OXR1: variants seen among roughly 807,000 people sequenced by gnomAD.
OXR1 encodes oxidation resistance protein 1.
A neutral mutation model predicts 104.6 loss-of-function variants in OXR1; 41 were observed. The observed-to-expected ratio is 0.39, with a 90% CI of 0.31 to 0.51. The LOEUF (loss-of-function observed/expected upper bound fraction) is 0.51, where lower values mean the gene tolerates loss of function less well. Ranked by LOEUF, OXR1 falls within the 20% of genes least tolerant of loss-of-function variation. The pLI, the probability that OXR1 is intolerant of heterozygous loss-of-function variation, is 0.77. For missense variants in OXR1, 955 were observed against 1,031.9 expected (o/e 0.93, Z 1.02); for synonymous variants, 348 against 348.4 (o/e 1.00, Z 0.01).
intron 3 of OXR1, among the ~76,000 whole-genome samples, chr8:106,526,826 A>C (rs1167566838): frequency 6.6e-6 from 1 of 152,174 alleles, no homozygotes; most frequent in African/African-American, 2.4e-5. Context: ...TATAGGCGTG[A>C]GCCACCGCGC....
Position 106,751,893 on chromosome 8 carries a change from A to C in OXR1, c.*952A>C, listed in dbSNP as rs1249981411. Reference sequence around the variant, plus strand: ...AAAAAAAAAATTGTGATTTTCTTTGAGTGGTATATGTTATTAATTACCATT... The same window carrying C: ...AAAAAAAAAATTGTGATTTTCTTTGCGTGGTATATGTTATTAATTACCATT... On this transcript the variant is annotated 3_prime_UTR_variant, in exon 17 of 17. Transcript: ENST00000517566. The C allele has an allele frequency of 2.0e-5, 3 of 152,412 alleles. No homozygotes were observed. Among genetic ancestry groups the C allele is most frequent in the Non-Finnish European group, 4.4e-5 (3 of 67,928 alleles). The allele number at this position is 152,412 out of a possible 1,614,324, so 9.4% of individuals were successfully genotyped here.
At chr8:106,515,645 C>T (rs1031473493) in intron 2 of OXR1, among the ~76,000 whole-genome samples, 1 of 152,090 alleles carries the variant, frequency 6.6e-6, no homozygotes, top group African/African-American at 2.4e-5. Flanking sequence ...GTTGTGTATA[C>T]ATGCAAGTTG....
intron 1 of OXR1, among the ~76,000 whole-genome samples, chr8:106,300,255 C>A (rs1285312141): frequency 1.3e-5 from 2 of 152,044 alleles, no homozygotes. Context: ...TTTTACTCAC[C>A]CTTTTCAATT....
At chr8:106,411,961 G>C (rs1818473945) in intron 2 of OXR1, among the ~76,000 whole-genome samples, 1 of 152,146 alleles carries the variant, frequency 6.6e-6, no homozygotes, top group South Asian at 2.1e-4. Context: ...TAAGCACTGT[G>C]ATGTTTTAAT....
chr8:106,407,690 G>A (rs1341503909), intron 2 of OXR1, among the ~76,000 whole-genome samples: 1 of 152,168 alleles, frequency 6.6e-6, no homozygotes, highest in African/African-American at 2.4e-5. Flanking sequence ...ATGTGATGGA[G>A]GAAGGAGAGC....
chr8:106,494,999 A>T (rs1177599897), intron 2 of OXR1, among the ~76,000 whole-genome samples: 1 of 152,126 alleles, frequency 6.6e-6, no homozygotes, highest in Non-Finnish European at 1.5e-5. Context: ...AGTGCCAGAC[A>T]CGTGTAGGTA....
intron 3 of OXR1, among the ~76,000 whole-genome samples, chr8:106,532,077 A>C (rs1421115003): frequency 6.6e-6 from 1 of 152,204 alleles, no homozygotes. Flanking sequence ...ATCAACTACC[A>C]ATAGTTGGAA....
chr8:106,585,962 A>G (rs1220796518), intron 3 of OXR1, among the ~76,000 whole-genome samples: 6 of 152,330 alleles, frequency 3.9e-5, no homozygotes, highest in South Asian at 4.1e-4. Flanking sequence ...ATTATATGAC[A>G]TCTTAGAAGC....
At chr8:106,622,179 G>T (rs1380318298) in intron 3 of OXR1, among the ~76,000 whole-genome samples, 6 of 151,926 alleles carry the variant, frequency 3.9e-5, no homozygotes, top group South Asian at 2.1e-4. Flanking sequence ...GATCCTGTTG[G>T]CTCTCTTCTC....
intron 2 of OXR1, among the ~76,000 whole-genome samples, chr8:106,462,112 T>A (rs144599887): frequency 6.6e-6 from 1 of 152,316 alleles, no homozygotes; most frequent in African/African-American, 2.4e-5. Context: ...TCTGTTGGTC[T>A]GTTTTGTATG....
intron 11 of OXR1, among the ~76,000 whole-genome samples, chr8:106,725,752 A>C (rs1385992617): frequency 1.3e-5 from 2 of 152,244 alleles, no homozygotes; most frequent in Admixed American, 6.5e-5. Context: ...AAATGTTCAC[A>C]TAAAAGATAC....
chr8:106,319,151 C>G (rs1039780779), intron 1 of OXR1, among the ~76,000 whole-genome samples: 1 of 152,196 alleles, frequency 6.6e-6, no homozygotes, highest in Non-Finnish European at 1.5e-5. Flanking sequence ...AAACTGATTG[C>G]TTCATGGGTT....
intron 2 of OXR1, among the ~76,000 whole-genome samples, chr8:106,483,580 AT>A (rs1269986438): frequency 6.6e-6 from 1 of 151,998 alleles, no homozygotes; most frequent in Non-Finnish European, 1.5e-5. Flanking sequence ...CGATTATAAT[AT>A]AGTTATGAAT....
chr8:106,353,223 G>C (rs1815808956), intron 1 of OXR1, among the ~76,000 whole-genome samples: 1 of 152,158 alleles, frequency 6.6e-6, no homozygotes, highest in Non-Finnish European at 1.5e-5. Context: ...GGTGGCGCAT[G>C]CCTGTAGTCC....
intron 2 of OXR1, among the ~76,000 whole-genome samples, chr8:106,454,596 C>A (rs1485616747): frequency 6.6e-6 from 1 of 152,014 alleles, no homozygotes; most frequent in Non-Finnish European, 1.5e-5. Context: ...CTGCTACCAA[C>A]CCAACAGCAT....
chr8:106,638,001 G>A (rs1208349122), intron 3 of OXR1, among the ~76,000 whole-genome samples: 4 of 151,822 alleles, frequency 2.6e-5, no homozygotes, highest in Non-Finnish European at 4.4e-5. Flanking sequence ...TCCTGACCTC[G>A]TGATCCACCC....
intron 2 of OXR1, among the ~76,000 whole-genome samples, chr8:106,391,764 C>T (rs4285457): frequency 0.64 from 97,813 of 151,914 alleles, 31,688 homozygotes; most frequent in Middle Eastern, 0.67. Context: ...ATACAGTATT[C>T]ATTTATTTCT....
intron 2 of OXR1, among the ~76,000 whole-genome samples, chr8:106,370,618 A>G (rs1321941742): frequency 6.6e-6 from 1 of 152,170 alleles, no homozygotes; most frequent in East Asian, 1.9e-4. Context: ...GGGATGTTGA[A>G]TTTTATCATA....
At chr8:106,660,787 C>A (rs968280896) in intron 3 of OXR1, among the ~76,000 whole-genome samples, 1 of 152,048 alleles carries the variant, frequency 6.6e-6, no homozygotes, top group African/African-American at 2.4e-5. Context: ...CCGAGACGGG[C>A]GGATCACCTG....
Sources: gnomAD v4.1 joint callset for allele counts (sites outside exome capture counted in the v4.1 genomes callset) on GRCh38, gnomAD v4.1.1 for gene constraint, MANE v1.5 for transcripts, NCBI Gene and HGNC (gene_info 2026-07-23, HGNC 2026-07-21) for gene names.